TMEM132D: variants seen among roughly 807,000 people sequenced by gnomAD.
TMEM132D encodes transmembrane protein 132D, also known as mature OL transmembrane protein.
A neutral mutation model predicts 62.3 loss-of-function variants in TMEM132D; 21 were observed. That is an observed-to-expected ratio of 0.34 (90% CI 0.24 to 0.49). TMEM132D has a LOEUF of 0.49. Among genes scored for constraint, TMEM132D ranks in the 20% least tolerant of loss-of-function variants. The pLI is 0.99. For missense variants in TMEM132D, 1,346 were observed against 1,402.8 expected (o/e 0.96, Z 0.65); for synonymous variants, 621 against 575.6 (o/e 1.08, Z -1.13).
At chr12:129,722,865 G>A (rs901470807) in intron 1 of TMEM132D, among the ~76,000 whole-genome samples, 4 of 150,896 alleles carry the variant, frequency 2.7e-5, no homozygotes, top group Non-Finnish European at 5.9e-5. Context: ...TCAGCCTCCC[G>A]AGTATCTGAG....
chr12:129,447,674 T>A (rs960013308), intron 3 of TMEM132D, among the ~76,000 whole-genome samples: 1 of 152,212 alleles, frequency 6.6e-6, no homozygotes, highest in Non-Finnish European at 1.5e-5. Context: ...GTCTGTGCAC[T>A]GTACAAATTA....
intron 1 of TMEM132D, among the ~76,000 whole-genome samples, chr12:129,809,307 C>CAAA (rs34039590): frequency 2.9e-5 from 4 of 137,956 alleles, no homozygotes; most frequent in Non-Finnish European, 3.1e-5. Flanking sequence ...GACTCCATAT[C>CAAA]AAAAAAAAAA....
intron 4 of TMEM132D, among the ~76,000 whole-genome samples, chr12:129,223,259 G>T (rs1256264850): frequency 2.0e-5 from 3 of 151,658 alleles, no homozygotes; most frequent in African/African-American, 7.2e-5. Context: ...GAATGCAGTG[G>T]AAGTGATGGT....
At chr12:129,205,819 ACT>A (rs1186617082) in intron 5 of TMEM132D, among the ~76,000 whole-genome samples, 6 of 152,202 alleles carry the variant, frequency 3.9e-5, no homozygotes, top group Non-Finnish European at 7.4e-5. Flanking sequence ...TACCAACCAT[ACT>A]CTCAGACCAC....
At position 129,882,400 on chromosome 12, in the gene TMEM132D, T is replaced by C. The variant is rs1272940616; in HGVS notation, c.79+20861A>G. Among the ~76,000 whole-genome samples the C allele has an allele frequency of 2.0e-5, 3 of 152,196 alleles. No individual in the cohort carries two copies. In the East Asian group the frequency reaches 5.8e-4, roughly 29 times the overall value. ...TTAGCAAATCAAATATATCAATATA[T>C]AAAATAATTATATGCCATCACTAAA... On this transcript the variant is annotated intron_variant, in intron 1 of 8. Coordinates refer to ENST00000422113, the MANE Select transcript of TMEM132D (RefSeq NM_133448.3).
intron 2 of TMEM132D, among the ~76,000 whole-genome samples, chr12:129,687,746 G>A (rs1880966922): frequency 6.6e-6 from 1 of 152,134 alleles, no homozygotes; most frequent in Non-Finnish European, 1.5e-5. Flanking sequence ...CTAGGGAGCA[G>A]TTTTGGGTCC....
intron 4 of TMEM132D, among the ~76,000 whole-genome samples, chr12:129,238,996 G>GGTTTTTTTTTTTTTTTTTTTTTTTTT (rs374959544): frequency 1.5e-5 from 2 of 133,046 alleles, no homozygotes; most frequent in Non-Finnish European, 3.2e-5. Flanking sequence ...GTTATTTTCT[G>GGTTTTTTTTTTTTTTTTTTTTTTTTT]TTTTTTTTTT....
At chr12:129,117,567 TC>T (rs2135651520) in intron 5 of TMEM132D, among the ~76,000 whole-genome samples, 1 of 36,520 alleles carries the variant, frequency 2.7e-5, no homozygotes, top group East Asian at 4.8e-4. Flanking sequence ...AGCATTATTA[TC>T]ATGACCTTAA....
chr12:129,300,831 G>A (rs1213804210), intron 4 of TMEM132D, among the ~76,000 whole-genome samples: 1 of 152,108 alleles, frequency 6.6e-6, no homozygotes, highest in Non-Finnish European at 1.5e-5. Flanking sequence ...GAAATATTGT[G>A]TCAAATGTAC....
rs1029703624 is a variant in TMEM132D at position 129,827,652 on chromosome 12, G to T, written c.79+75609C>A. Reference sequence around the variant, plus strand: ...CAAAACATTCCTTGCCATAGACCCAGACATCCTTAACAAACAAATTCCAGC... The same window carrying T: ...CAAAACATTCCTTGCCATAGACCCATACATCCTTAACAAACAAATTCCAGC... On this transcript the variant is annotated intron_variant, in intron 1 of 8. Transcript: ENST00000422113. The surrounding 1 kb of genome is among the most constrained non-coding windows in gnomAD (Gnocchi z 9.7). Among the ~76,000 whole-genome samples the T allele has an allele frequency of 6.6e-5, 10 of 152,144 alleles. No homozygotes were observed. The highest frequency in any genetic ancestry group is 3.3e-4 in the Admixed American group (5 of 15,272).
intron 3 of TMEM132D, among the ~76,000 whole-genome samples, chr12:129,397,060 C>T (rs1871451518): frequency 1.3e-5 from 2 of 152,100 alleles, no homozygotes; most frequent in African/African-American, 2.4e-5. Context: ...ATATCTTCTC[C>T]TAAGTCCCGA....
intron 2 of TMEM132D, among the ~76,000 whole-genome samples, chr12:129,567,200 G>T (rs1197546594): frequency 7.2e-5 from 11 of 152,322 alleles, no homozygotes; most frequent in Middle Eastern, 3.4e-3. Context: ...CATTGGTGCT[G>T]ATATTTAAAA....
intron 2 of TMEM132D, among the ~76,000 whole-genome samples, chr12:129,596,296 G>C (rs1878334503): frequency 6.6e-6 from 1 of 152,200 alleles, no homozygotes; most frequent in Non-Finnish European, 1.5e-5. Flanking sequence ...CCAGGCAGAT[G>C]AAAGGAGGCT....
chr12:129,803,408 T>C lies in TMEM132D; in HGVS notation c.79+99853A>G, dbSNP rs546975927. Reference sequence around the variant, plus strand: ...ACTCACTCAAAACTGCACAACTACATGGAAACTGAACAACCTGCTCCTGAA... The same window carrying C: ...ACTCACTCAAAACTGCACAACTACACGGAAACTGAACAACCTGCTCCTGAA... On this transcript the variant is annotated intron_variant, in intron 1 of 8. Coordinates refer to ENST00000422113, the MANE Select transcript of TMEM132D (RefSeq NM_133448.3). Among the ~76,000 whole-genome samples the C allele has an allele frequency of 6.9e-3, 1,055 of 152,066 alleles. 22 individuals carry two copies. The highest frequency in any genetic ancestry group is 0.023 in the African/African-American group (962 of 41,414).
Position 129,531,078 on chromosome 12 carries a change from C to T in TMEM132D, c.1096G>A (p.Ala366Thr). Reference sequence around the variant, plus strand: ...ACTCACCTGTTTTCTGAGCCAGCTGCTTTCTTCTGACAAACGATGACAGCT... The same window carrying T: ...ACTCACCTGTTTTCTGAGCCAGCTGTTTTCTTCTGACAAACGATGACAGCT... ...APAVIVCQKK[A>T]AGSENSADGA... The change falls in exon 3 of 9, where the codon GCA (alanine) becomes ACA (threonine). Residue 366 changes from alanine to threonine, a missense_variant. Physicochemically the swap from Ala to Thr is moderately conservative, Grantham distance 58. Transcript: ENST00000422113. 6.2e-7 allele frequency: 1 copy of T among 1,613,082 alleles called. No individual in the cohort carries two copies. Among genetic ancestry groups the T allele is most frequent in the Non-Finnish European group, 8.5e-7 (1 of 1,179,362 alleles).
chr12:129,633,736 C>T (rs905379727), intron 2 of TMEM132D, among the ~76,000 whole-genome samples: 7 of 152,124 alleles, frequency 4.6e-5, no homozygotes, highest in African/African-American at 7.2e-5. Context: ...TAACGGTCCC[C>T]GGGCCTGACA....
chr12:129,244,554 T>C (rs983955727), intron 4 of TMEM132D, among the ~76,000 whole-genome samples: 2 of 152,190 alleles, frequency 1.3e-5, no homozygotes, highest in Non-Finnish European at 1.5e-5. Flanking sequence ...TGTGAGAGTA[T>C]TTGTATTTAG....
chr12:129,759,932 G>T (rs1181469448), intron 1 of TMEM132D, among the ~76,000 whole-genome samples: 4 of 151,944 alleles, frequency 2.6e-5, no homozygotes, highest in Non-Finnish European at 4.4e-5. Context: ...TTGAGACAGG[G>T]TCTTGCTCTG....
chr12:129,816,597 A>G (rs12578470), intron 1 of TMEM132D, among the ~76,000 whole-genome samples: 1 of 152,050 alleles, frequency 6.6e-6, no homozygotes, highest in Non-Finnish European at 1.5e-5. Flanking sequence ...ATCTTTGAGC[A>G]TATACAAGAG....
Sources: gnomAD v4.1 joint callset for allele counts (sites outside exome capture counted in the v4.1 genomes callset) on GRCh38, gnomAD v4.1.1 for gene constraint, Gnocchi (gnomAD v3.1) non-coding constraint, MANE v1.5 for transcripts, NCBI Gene and HGNC (gene_info 2026-07-23, HGNC 2026-07-21) for gene names.